STARD13: variants seen among roughly 807,000 people sequenced by gnomAD.
STARD13 encodes stAR-related lipid transfer protein 13.
STARD13 carries 62 observed loss-of-function variants against 106.4 expected under a neutral mutation model. The observed-to-expected ratio is 0.58, with a 90% CI of 0.48 to 0.72. STARD13 has a LOEUF of 0.72. STARD13 is among the 30% of genes least tolerant of loss of function. The pLI is 0.00. For synonymous variants in STARD13, 565 were observed against 553.0 expected (o/e 1.02, Z -0.31); for missense variants, 1,387 against 1,424.0 (o/e 0.97, Z 0.42).
At chr13:33,235,246 T>A (rs1019733198) in intron 1 of STARD13, among the ~76,000 whole-genome samples, 2 of 152,216 alleles carry the variant, frequency 1.3e-5, no homozygotes, top group Admixed American at 6.5e-5. Flanking sequence ...CCAAAGTAGT[T>A]CCTGCTTTCA....
At chr13:33,372,586 T>G in the STARD13 span, among the ~76,000 whole-genome samples, 2 of 152,102 alleles carry the variant, frequency 1.3e-5, no homozygotes, top group East Asian at 3.9e-4. Context: ...AGAGGTTTTA[T>G]GTAATCCTTT....
intron 1 of STARD13, among the ~76,000 whole-genome samples, chr13:33,210,116 A>G (rs1314242410): frequency 1.3e-5 from 2 of 152,228 alleles, no homozygotes; most frequent in Non-Finnish European, 2.9e-5. Flanking sequence ...CCTAGAGGCA[A>G]TAAATATGGC....
chr13:33,211,668 T>G (rs1887724595), intron 1 of STARD13, among the ~76,000 whole-genome samples: 2 of 152,212 alleles, frequency 1.3e-5, no homozygotes, highest in African/African-American at 4.8e-5. Flanking sequence ...GTTGTTCTAC[T>G]GTGTATTGTT....
At chr13:33,483,880 A>G in the STARD13 span, among the ~76,000 whole-genome samples, 1 of 152,352 alleles carries the variant, frequency 6.6e-6, no homozygotes, top group African/African-American at 2.4e-5. Context: ...TTCAGCCACA[A>G]ATGCATGGCT....
rs201148891 is a variant in STARD13, at chr13:33,129,438, T to G, written c.1239A>C (p.Glu413Asp). 8.1e-6 allele frequency: 13 copies of G among 1,614,146 alleles called. No homozygotes were observed. The highest frequency in any genetic ancestry group is 1.6e-4 in the Middle Eastern group (1 of 6,062). ...TGCTACTATCTGTGGGAGAGAGGCT[T>G]TCAATAGAAAGTGCCTTGGGGAATG... ...PGTFPKALSIESLSPTDSSNG... is the reference protein window; with the variant it reads ...PGTFPKALSIDSLSPTDSSNG... Residue 413 changes from glutamate to aspartate, a missense_variant, in exon 5 of 14, where the codon GAA (glutamate) becomes GAC (aspartate). Coordinates refer to ENST00000336934, the MANE Select transcript of STARD13 (RefSeq NM_178006.4).
intron 1 of STARD13, among the ~76,000 whole-genome samples, chr13:33,304,958 C>A (rs1892851782): frequency 6.6e-6 from 1 of 152,208 alleles, no homozygotes; most frequent in Non-Finnish European, 1.5e-5. Flanking sequence ...GGGATCTATG[C>A]TGCAGTTAAA....
chr13:33,604,702 G>A, the STARD13 span, among the ~76,000 whole-genome samples: 1 of 152,032 alleles, frequency 6.6e-6, no homozygotes, highest in Non-Finnish European at 1.5e-5. Context: ...AGGAGGCTGA[G>A]GCAGGAGAAT....
the STARD13 span, among the ~76,000 whole-genome samples, chr13:33,414,220 T>C: frequency 6.6e-6 from 1 of 152,314 alleles, no homozygotes; most frequent in Non-Finnish European, 1.5e-5. Flanking sequence ...CCCTCTGACA[T>C]TGCTAGTAGG....
chr13:33,486,490 T>C, the STARD13 span, among the ~76,000 whole-genome samples: 1 of 152,198 alleles, frequency 6.6e-6, no homozygotes, highest in South Asian at 2.1e-4. Context: ...TAAAACAATA[T>C]ACTGTAATAA....
intron 1 of STARD13, chr13:33,335,154 T>A (rs755032649): frequency 2.6e-5 from 4 of 152,224 alleles, no homozygotes; most frequent in Non-Finnish European, 5.9e-5. Context: ...ATTTGTCTCA[T>A]TAATGCAATA....
chr13:33,399,168 A>G, the STARD13 span, among the ~76,000 whole-genome samples: 1 of 152,212 alleles, frequency 6.6e-6, no homozygotes, highest in Non-Finnish European at 1.5e-5. Context: ...AAAAAGAAAG[A>G]AATCTTGCCA....
chr13:33,410,717 T>C, the STARD13 span, among the ~76,000 whole-genome samples: 1 of 152,194 alleles, frequency 6.6e-6, no homozygotes, highest in Non-Finnish European at 1.5e-5. Context: ...CCTCACACAG[T>C]ATGGCATAAT....
chr13:33,170,192 G>A (rs1302775003), intron 1 of STARD13, among the ~76,000 whole-genome samples: 5 of 152,124 alleles, frequency 3.3e-5, no homozygotes, highest in Non-Finnish European at 7.4e-5. Context: ...ATAAATGCCC[G>A]AGGGGATGAA....
At chr13:33,373,085 T>C in the STARD13 span, among the ~76,000 whole-genome samples, 84,003 of 151,980 alleles carry the variant, frequency 0.55, 24,820 homozygotes, top group African/African-American at 0.76. Context: ...GGAATTTAAA[T>C]GTTCCTCCAA....
At chr13:33,528,810 T>A in the STARD13 span, among the ~76,000 whole-genome samples, 1 of 152,234 alleles carries the variant, frequency 6.6e-6, no homozygotes, top group African/African-American at 2.4e-5. Context: ...GTAATGAAAG[T>A]GGGCTGCTGC....
intron 4 of STARD13, among the ~76,000 whole-genome samples, chr13:33,136,766 T>C (rs1039624611): frequency 5.9e-5 from 9 of 152,310 alleles, no homozygotes; most frequent in Admixed American, 5.9e-4. Flanking sequence ...AAAATTCTTC[T>C]CCACCCTCCT....
chr13:33,662,107 A>G, the STARD13 span, among the ~76,000 whole-genome samples: 1 of 151,990 alleles, frequency 6.6e-6, no homozygotes, highest in South Asian at 2.1e-4. Flanking sequence ...CTAAAAATAC[A>G]AAAAATTAGC....
At chr13:33,583,907 C>T in the STARD13 span, among the ~76,000 whole-genome samples, 86 of 150,696 alleles carry the variant, frequency 5.7e-4, 1 homozygote, top group African/African-American at 2.0e-3. Flanking sequence ...TCAGTTATTA[C>T]GAATAATGGT....
the STARD13 span, among the ~76,000 whole-genome samples, chr13:33,498,865 C>T: frequency 2.6e-5 from 4 of 152,186 alleles, no homozygotes; most frequent in Non-Finnish European, 5.9e-5. Flanking sequence ...CCTACCACAA[C>T]AAAACTATTT....
Sources: allele counts gnomAD v4.1 joint callset (sites outside exome capture counted in the v4.1 genomes callset), GRCh38; gene constraint gnomAD v4.1.1; transcripts MANE v1.5; gene names NCBI Gene and HGNC (gene_info 2026-07-23, HGNC 2026-07-21).